RRM1: variants seen among roughly 807,000 people sequenced by gnomAD.
RRM1 encodes ribonucleotide reductase catalytic subunit M1, also known as ribonucleoside-diphosphate reductase large subunit.
In RRM1, 19 loss-of-function variants were observed where a neutral mutation model predicts 101.5. The observed-to-expected ratio is 0.19, with a 90% CI of 0.13 to 0.27. The LOEUF is 0.27. RRM1 is among the 10% of genes least tolerant of loss of function. RRM1 has a pLI of 1.00. For missense variants in RRM1, 500 were observed against 962.9 expected (o/e 0.52, Z 6.36); for synonymous variants, 298 against 323.4 (o/e 0.92, Z 0.84).
At chr11:4,095,974 C>T (rs1423672336) in intron 1 of RRM1, among the ~76,000 whole-genome samples, 3 of 152,196 alleles carry the variant, frequency 2.0e-5, no homozygotes, top group African/African-American at 7.2e-5. Flanking sequence ...TTAGTAAATA[C>T]TGGTTAATCG....
At chr11:4,103,214 T>C (rs2094553980) in intron 2 of RRM1, among the ~76,000 whole-genome samples, 1 of 152,244 alleles carries the variant, frequency 6.6e-6, no homozygotes, top group Non-Finnish European at 1.5e-5. Context: ...GTGCTTGACA[T>C]GTATCTAATT....
chr11:4,123,432 C>A, intron 12 of RRM1, 48 bp downstream of exon 12: 1 of 1,458,148 alleles, frequency 6.9e-7, no homozygotes, highest in Non-Finnish European at 9.6e-7. Flanking sequence ...GAACCTTAGG[C>A]AGTTATTATT....
intron 18 of RRM1, among the ~76,000 whole-genome samples, chr11:4,136,317 T>G (rs2094609674): frequency 6.6e-6 from 1 of 151,178 alleles, no homozygotes; most frequent in Non-Finnish European, 1.5e-5. Context: ...TGTCCTGGGT[T>G]CAAGTGATTC....
At position 4,123,245 on chromosome 11, in the gene RRM1, T is replaced by C. The variant is rs751336924; in HGVS notation, c.1181T>C (p.Ile394Thr). ...VKAQQLWYAI[I>T]ESQTETGTPY... ...GCTCAGCAGCTTTGGTATGCCATCA[T>C]TGAGTCTCAGACGGAAACAGGCACC... is the stretch of plus-strand genomic sequence containing the variant. Residue 394 changes from isoleucine to threonine, a missense_variant, in exon 12 of 19, where the codon ATT becomes ACT. Around this residue, in one of 9 missense-constraint regions of RRM1, gnomAD observed 80 missense variants for 170.9 expected, o/e 0.47. Transcript: ENST00000300738. The C allele has an allele frequency of 5.6e-6, 9 of 1,614,164 alleles. No individual in the cohort carries two copies. The highest frequency in any genetic ancestry group is 2.7e-5 in the African/African-American group (2 of 75,036).
intron 1 of RRM1, chr11:4,099,599 G>A (rs2094548001): frequency 6.6e-6 from 1 of 152,120 alleles, no homozygotes. Context: ...CAATGATGTG[G>A]ATATGGGAAT....
intron 7 of RRM1, chr11:4,116,302 C>T (rs944297272): frequency 8.5e-5 from 13 of 152,232 alleles, no homozygotes; most frequent in African/African-American, 3.1e-4. Flanking sequence ...CACCGGAGTC[C>T]AATCACTGTG....
chr11:4,132,648 A>C lies in RRM1; in HGVS notation c.1905+227A>C, dbSNP rs1565190474. ...TGAGTGAATGAGGGTCGAGTATGAA[A>C]GTAAGTTGTTGATAGTTAAACATGA... On this transcript the variant is annotated intron_variant, in intron 16 of 18. Coordinates refer to ENST00000300738, the MANE Select transcript of RRM1 (RefSeq NM_001033.5). This position sits in a 1 kb window ranked among gnomAD's most constrained non-coding sequence, Gnocchi z 4.1. 6.6e-6 allele frequency among the ~76,000 whole-genome samples: 1 copy of C among 152,230 alleles called. No homozygotes were observed. Among genetic ancestry groups the C allele is most frequent in the Non-Finnish European group, 1.5e-5 (1 of 68,042 alleles).
intron 10 of RRM1, 169 bp from the exon 11 acceptor site, chr11:4,121,972 T>C: frequency 4.5e-6 from 3 of 673,694 alleles, no homozygotes; most frequent in South Asian, 2.2e-5. Context: ...TAAAAGGTCA[T>C]GTATAAACAG....
At chr11:4,105,427 C>T (rs1272798954) in intron 2 of RRM1, among the ~76,000 whole-genome samples, 1 of 151,964 alleles carries the variant, frequency 6.6e-6, no homozygotes, top group East Asian at 1.9e-4. Context: ...GATGGGGTCT[C>T]ATTATATTGC....
chr11:4,135,547 G>A (rs909694964), intron 18 of RRM1, among the ~76,000 whole-genome samples: 1 of 152,100 alleles, frequency 6.6e-6, no homozygotes, highest in Non-Finnish European at 1.5e-5. Context: ...ACCAAGTTGT[G>A]TTGATTGTTC....
Position 4,133,627 on chromosome 11 carries a change from A to T in RRM1, c.1970A>T (p.Asn657Ile), listed in dbSNP as rs780704368. The stretch of plus-strand genomic sequence containing the variant: ...GGCCTATGGCATGAAGAGATGAAAA[A>T]CCAGATTATTGCATGCAATGGCTCT... ...ERGLWHEEMK[N>I]QIIACNGSIQ... The change falls in exon 17 of 19, where the codon AAC (asparagine) becomes ATC (isoleucine). Residue 657 changes from asparagine (N) to isoleucine (I), a missense_variant. Around this residue, in one of 9 missense-constraint regions of RRM1, gnomAD observed 79 missense variants for 176.4 expected, o/e 0.45. Coordinates refer to ENST00000300738, the MANE Select transcript of RRM1 (RefSeq NM_001033.5). The T allele has an allele frequency of 3.7e-6, 6 of 1,611,326 alleles. No homozygotes were observed. Among genetic ancestry groups the T allele is most frequent in the Non-Finnish European group, 5.1e-6 (6 of 1,178,056 alleles).
intron 14 of RRM1, among the ~76,000 whole-genome samples, chr11:4,128,051 G>A (rs540833955): frequency 6.6e-6 from 1 of 152,184 alleles, no homozygotes; most frequent in South Asian, 2.1e-4. Context: ...AAGGCCAGTG[G>A]GAGAGACCAT....
rs551313562 is a variant in RRM1, at chr11:4,133,236, G to C, written c.1906-327G>C. Among the ~76,000 whole-genome samples the C allele has an allele frequency of 1.9e-4, 29 of 152,172 alleles. 1 individual carries two copies. Among genetic ancestry groups the C allele is most frequent in the African/African-American group, 6.7e-4 (28 of 41,506 alleles). On this transcript the variant is annotated intron_variant, in intron 16 of 18. Coordinates refer to ENST00000300738, the MANE Select transcript of RRM1 (RefSeq NM_001033.5). ...TTGTCACCCAGGCTGGAGTGCAGTG[G>C]CATGATCTTGGCTCACTGCAGCCTC...
chr11:4,111,368 G>A (rs1044190415), intron 5 of RRM1, among the ~76,000 whole-genome samples: 4 of 148,592 alleles, frequency 2.7e-5, no homozygotes, highest in Non-Finnish European at 4.4e-5. Flanking sequence ...CTGAGATTGC[G>A]CCACTGCACC....
chr11:4,094,744 C>A (rs12806698), upstream of RRM1: 150,375 of 565,090 alleles, frequency 0.27, 22,073 homozygotes, highest in South Asian at 0.38. Context: ...GTCTGTGAAG[C>A]CTACCCCGGG....
At chr11:4,099,806 C>T (rs1183573287) in intron 1 of RRM1, among the ~76,000 whole-genome samples, 1 of 151,662 alleles carries the variant, frequency 6.6e-6, no homozygotes, top group Non-Finnish European at 1.5e-5. Context: ...GTCATTGGAC[C>T]TTTAGATCTT....
At chr11:4,123,136 G>C (rs765141632) in intron 11 of RRM1, 47 bp from the exon 12 acceptor site, 1 of 1,449,356 alleles carries the variant, frequency 6.9e-7, no homozygotes, top group South Asian at 1.3e-5. Flanking sequence ...CTACAATAAA[G>C]TTTTTTTAGG....
At chr11:4,112,093 G>C (rs1043931988) in intron 7 of RRM1, 31 bp downstream of exon 7, 2 of 1,559,242 alleles carry the variant, frequency 1.3e-6, no homozygotes, top group Non-Finnish European at 8.7e-7. Context: ...AATACGCCTT[G>C]ACCTGAAGAA....
At position 4,111,992 on chromosome 11, in the gene RRM1, T is replaced by G. The variant is rs1283375448; in HGVS notation, c.580T>G (p.Ser194Ala). 1.2e-6 allele frequency: 2 copies of G among 1,614,184 alleles called. No homozygotes were observed. Among genetic ancestry groups the G allele is most frequent in the South Asian group, 2.2e-5 (2 of 91,082 alleles). Residue 194 changes from serine (S) to alanine (A), a missense_variant, in exon 7 of 19, where the codon TCT becomes GCT. This residue lies in a region of RRM1 where 111 missense variants were observed against 219.8 expected (regional missense o/e 0.51). Transcript: ENST00000300738. ...AGCAATTGAAACATATAATCTTCTT[T>G]CTGAGAGGTGGTTTACTCATGCTTC... ...DAAIETYNLL[S>A]ERWFTHASPT... is the part of the protein sequence containing the mutation.
Sources: allele counts gnomAD v4.1 joint callset (sites outside exome capture counted in the v4.1 genomes callset), GRCh38; gene constraint gnomAD v4.1.1; regional missense constraint gnomAD v4.1.1; non-coding constraint Gnocchi (gnomAD v3.1); transcripts MANE v1.5; gene names NCBI Gene and HGNC (gene_info 2026-07-23, HGNC 2026-07-21).